The following RBFOX1 variants were observed in gnomAD, a reference collection of about 807,000 sequenced individuals.
The protein encoded by RBFOX1 is RNA binding fox-1 homolog 1, also known as RNA binding protein fox-1 homolog 1.
A neutral mutation model predicts 57.7 loss-of-function variants in RBFOX1; 8 were observed. The observed-to-expected ratio is 0.14, with a 90% CI of 0.08 to 0.25. The LOEUF is 0.25. Among genes scored for constraint, RBFOX1 ranks in the 10% least tolerant of loss-of-function variants. The probability of loss-of-function intolerance (pLI) is 1.00; values close to 1 mark genes in which losing one functional copy is unlikely to be tolerated. For synonymous variants in RBFOX1, 326 were observed against 222.4 expected, an observed-to-expected ratio of 1.47 and a Z score of -4.15; for missense variants, 611 against 548.5, an observed-to-expected ratio of 1.11 and a Z score of -1.14.
At chr16:6,730,644 T>G (rs1354844637) in intron 3 of RBFOX1, among the ~76,000 whole-genome samples, 1 of 152,230 alleles carries the variant, frequency 6.6e-6, no homozygotes, top group African/African-American at 2.4e-5. Flanking sequence ...CTGGTCATTT[T>G]GTGGAAAATC....
At chr16:7,464,871 G>C (rs1311239760) in intron 4 of RBFOX1, among the ~76,000 whole-genome samples, 1 of 151,424 alleles carries the variant, frequency 6.6e-6, no homozygotes, top group Admixed American at 6.6e-5. Context: ...TAATTTTTTT[G>C]TATTTTTAGT....
chr16:7,217,292 C>CTTCT (rs2092266887), intron 4 of RBFOX1, among the ~76,000 whole-genome samples: 6 of 104,080 alleles, frequency 5.8e-5, no homozygotes, highest in African/African-American at 2.3e-4. Context: ...TCTTATTCTT[C>CTTCT]TTTTTTTTTT....
At chr16:6,724,078 ATAGTAT>A (rs2066592764) in intron 3 of RBFOX1, among the ~76,000 whole-genome samples, 2 of 152,232 alleles carry the variant, frequency 1.3e-5, no homozygotes, top group South Asian at 2.1e-4. Flanking sequence ...ACCCCGGGTG[ATAGTAT>A]TAGGAGGTGA....
intron 4 of RBFOX1, among the ~76,000 whole-genome samples, chr16:7,462,763 C>T (rs749452791): frequency 6.6e-6 from 1 of 152,194 alleles, no homozygotes; most frequent in Non-Finnish European, 1.5e-5. Context: ...ATAGCCCTGG[C>T]CTTCAGAAGC....
At chr16:6,486,183 G>T (rs559826529) in intron 2 of RBFOX1, among the ~76,000 whole-genome samples, 1 of 144,796 alleles carries the variant, frequency 6.9e-6, no homozygotes, top group Non-Finnish European at 1.5e-5. Context: ...ACACTAATTG[G>T]TGTATATGAC....
At chr16:6,903,676 G>C (rs2069040907) in intron 3 of RBFOX1, among the ~76,000 whole-genome samples, 1 of 152,132 alleles carries the variant, frequency 6.6e-6, no homozygotes, top group African/African-American at 2.4e-5. Flanking sequence ...CCTAAAAAGA[G>C]ATGCCTTTCA....
chr16:7,526,575 G>A (rs1268453217), intron 5 of RBFOX1, among the ~76,000 whole-genome samples: 1 of 152,122 alleles, frequency 6.6e-6, no homozygotes, highest in East Asian at 1.9e-4. Flanking sequence ...TTTCCTTTGA[G>A]GAGGGTTTAC....
At chr16:6,467,057 T>A (rs1597656070) in intron 2 of RBFOX1, among the ~76,000 whole-genome samples, 1 of 150,974 alleles carries the variant, frequency 6.6e-6, no homozygotes, top group East Asian at 1.9e-4. Context: ...ATGTAACATA[T>A]GGGATTTTAT....
chr16:6,204,180 C>CT (rs2097237442), intron 1 of RBFOX1, among the ~76,000 whole-genome samples: 1 of 152,164 alleles, frequency 6.6e-6, no homozygotes, highest in African/African-American at 2.4e-5. Context: ...TTTTCCTCCC[C>CT]TACCCTCACC....
chr16:6,753,577 G>T (rs1441163603), intron 3 of RBFOX1, among the ~76,000 whole-genome samples: 1 of 152,140 alleles, frequency 6.6e-6, no homozygotes, highest in Non-Finnish European at 1.5e-5. Flanking sequence ...TAGAGACTGT[G>T]CAATTTCATC....
chr16:5,265,637 G>GA (rs2062839256), intron 1 of RBFOX1, among the ~76,000 whole-genome samples: 2 of 151,966 alleles, frequency 1.3e-5, no homozygotes, highest in Non-Finnish European at 2.9e-5. Context: ...AGAAGTGTTT[G>GA]TTTTTTTTAG....
chr16:6,396,933 C>G (rs548622269), intron 2 of RBFOX1, among the ~76,000 whole-genome samples: 1 of 151,982 alleles, frequency 6.6e-6, no homozygotes, highest in African/African-American at 2.4e-5. Context: ...GACAGTTTTA[C>G]TATATGGGCT....
intron 3 of RBFOX1, among the ~76,000 whole-genome samples, chr16:6,805,204 T>C (rs1019196699): frequency 3.9e-5 from 6 of 152,174 alleles, no homozygotes; most frequent in Admixed American, 1.3e-4. Context: ...TGGAATACTA[T>C]GCAGCCATAA....
At chr16:7,254,870 G>A (rs4300660) in intron 4 of RBFOX1, among the ~76,000 whole-genome samples, 87,918 of 151,844 alleles carry the variant, frequency 0.58, 25,728 homozygotes, top group Middle Eastern at 0.64. Context: ...AAATAGGTAT[G>A]AATTTTTCAA....
At chr16:6,747,496 C>G (rs562684231) in intron 3 of RBFOX1, among the ~76,000 whole-genome samples, 2 of 152,088 alleles carry the variant, frequency 1.3e-5, no homozygotes, top group African/African-American at 4.8e-5. Context: ...GTCTATCTGT[C>G]TTACTGGTTT....
intron 3 of RBFOX1, among the ~76,000 whole-genome samples, chr16:5,674,795 G>T (rs2151423994): frequency 6.6e-6 from 1 of 152,238 alleles, no homozygotes; most frequent in South Asian, 2.1e-4. Flanking sequence ...AAAATCTGTT[G>T]GACAGATTCA....
intron 4 of RBFOX1, among the ~76,000 whole-genome samples, chr16:7,301,629 T>G (rs1359135122): frequency 6.6e-6 from 1 of 152,184 alleles, no homozygotes; most frequent in Non-Finnish European, 1.5e-5. Flanking sequence ...ACCGTTCAGA[T>G]AAAGTCTTAT....
chr16:7,422,248 G>C (rs575286626), intron 4 of RBFOX1, among the ~76,000 whole-genome samples: 1 of 152,296 alleles, frequency 6.6e-6, no homozygotes, highest in Admixed American at 6.5e-5. Flanking sequence ...ACGGCACTCA[G>C]AAACAGCCCT....
chr16:6,836,651 G>A (rs912454395), intron 3 of RBFOX1, among the ~76,000 whole-genome samples: 1 of 152,178 alleles, frequency 6.6e-6, no homozygotes, highest in Non-Finnish European at 1.5e-5. Flanking sequence ...CCCCGCTTCG[G>A]GGGTGACAGT....
Sources: gnomAD v4.1 joint callset for allele counts (sites outside exome capture counted in the v4.1 genomes callset) on GRCh38, gnomAD v4.1.1 for gene constraint, MANE v1.5 for transcripts, NCBI Gene and HGNC (gene_info 2026-07-23, HGNC 2026-07-21) for gene names.